COLEC12: variants seen among roughly 807,000 people sequenced by gnomAD.
The protein encoded by COLEC12 is collectin subfamily member 12.
COLEC12 carries 33 observed loss-of-function variants against 71.1 expected under a neutral mutation model. The ratio of observed to expected loss-of-function variants is 0.46; its 90% CI spans 0.35 to 0.62. The LOEUF (loss-of-function observed/expected upper bound fraction) is 0.62, where lower values mean the gene tolerates loss of function less well. COLEC12 is among the 20% of genes least tolerant of loss of function. The probability of loss-of-function intolerance (pLI) is 0.00; values close to 1 mark genes in which losing one functional copy is unlikely to be tolerated. For synonymous variants in COLEC12, 350 were observed against 353.0 expected, an observed-to-expected ratio of 0.99 and a Z score of 0.10; for missense variants, 765 against 916.1, an observed-to-expected ratio of 0.84 and a Z score of 2.13.
intron 2 of COLEC12, among the ~76,000 whole-genome samples, chr18:411,766 C>T (rs1222504481): frequency 1.3e-5 from 2 of 152,002 alleles, no homozygotes; most frequent in Admixed American, 1.3e-4. Context: ...ATTAGCCAGG[C>T]GTAGTGGCAT....
At chr18:406,515 CAAAAAAA>C (rs34263909) in intron 2 of COLEC12, among the ~76,000 whole-genome samples, 5,229 of 90,486 alleles carry the variant, frequency 0.058, 160 homozygotes, top group Admixed American at 0.16. Flanking sequence ...GACTCCGTCT[CAAAAAAA>C]AAAAAAAAAA....
At position 319,812 on chromosome 18, in the gene COLEC12, T is replaced by C; in HGVS notation, c.*233A>G. On this transcript the variant is annotated 3_prime_UTR_variant, in exon 10 of 10. Transcript: ENST00000400256. ...GGTTACTGACGGAGGAGAATCTATGTGATTCAGTCCATGTGCACAATGAAA... is the reference window on the plus strand; with the variant it reads ...GGTTACTGACGGAGGAGAATCTATGCGATTCAGTCCATGTGCACAATGAAA... 1.8e-6 allele frequency: 1 copy of C among 545,816 alleles called. No homozygotes were observed. Among genetic ancestry groups the C allele is most frequent in the Non-Finnish European group, 3.2e-6 (1 of 310,586 alleles). 33.8% of individuals were successfully genotyped at this position (545,816 alleles called of 1,614,324 possible). A position where few individuals can be genotyped will look rare whatever the true frequency, so the allele number is the denominator to read the frequency against.
In COLEC12 at chr18:448,836, A is replaced by G. The variant is rs1006139714; in HGVS notation, c.58+31871T>C. Among the ~76,000 whole-genome samples the G allele has an allele frequency of 7.2e-5, 11 of 152,322 alleles. 1 individual carries two copies. Among genetic ancestry groups the G allele is most frequent in the African/African-American group, 2.6e-4 (11 of 41,574 alleles). The stretch of plus-strand genomic sequence containing the variant: ...AAGATTTTTAAATTTACTATACTGT[A>G]CCCAAACCTCATGAAAATAAAGCAT... On this transcript the variant is annotated intron_variant, in intron 2 of 9. Transcript: ENST00000400256.
rs182189485 is a variant in COLEC12 at position 441,227 on chromosome 18, G to C, written c.58+39480C>G. 3.2e-4 allele frequency among the ~76,000 whole-genome samples: 48 copies of C among 151,448 alleles called. 1 individual carries two copies. The highest frequency in any genetic ancestry group is 1.1e-3 in the African/African-American group (45 of 41,302). On this transcript the variant is annotated intron_variant, in intron 2 of 9. Transcript: ENST00000400256. ...TGTGCCACTGCACTCCAGCCTGGGC[G>C]ACAGAGCGAGACTCTGTCTCAAAAA...
rs553707119 is a variant in COLEC12 at position 470,929 on chromosome 18, TA to T, written c.58+9777del. Among the ~76,000 whole-genome samples the T allele has an allele frequency of 1.1e-3, 169 of 152,358 alleles. 1 individual carries two copies. The highest frequency in any genetic ancestry group is 1.9e-3 in the Non-Finnish European group (127 of 68,036). ...GTTTCACAGAATGAGAACGACATGTTAGAAAGGTTATTTCAAATATTAGAGA... is the reference window on the plus strand; with the variant it reads ...GTTTCACAGAATGAGAACGACATGTTGAAAGGTTATTTCAAATATTAGAGA... On this transcript the variant is annotated intron_variant, in intron 2 of 9. Coordinates refer to ENST00000400256, the MANE Select transcript of COLEC12 (RefSeq NM_130386.3).
rs1309499570 is a variant in COLEC12, at chr18:318,759, CTG to C, written c.*1284_*1285del. ...CTGCCTGCCTCGGCCTCCCAAAGTG[CTG>C]GGATTACAGGCATGAGCCACTGCGC... On this transcript the variant is annotated 3_prime_UTR_variant, in exon 10 of 10. Coordinates refer to ENST00000400256, the MANE Select transcript of COLEC12 (RefSeq NM_130386.3). 6.6e-6 allele frequency: 1 copy of C among 152,142 alleles called. No individual in the cohort carries two copies. The highest frequency in any genetic ancestry group is 1.5e-5 in the Non-Finnish European group (1 of 68,058). 9.4% of individuals were successfully genotyped at this position (152,142 alleles called of 1,614,324 possible).
intron 5 of COLEC12, among the ~76,000 whole-genome samples, chr18:345,017 T>G (rs1056139865): frequency 6.6e-6 from 1 of 152,226 alleles, no homozygotes. Flanking sequence ...TACCCTTGAT[T>G]ATTAGACCAG....
intron 2 of COLEC12, among the ~76,000 whole-genome samples, chr18:426,505 A>G (rs912697136): frequency 2.0e-5 from 3 of 152,190 alleles, no homozygotes; most frequent in African/African-American, 7.2e-5. Flanking sequence ...CTATGGAAGA[A>G]GCCAGTTTTG....
intron 2 of COLEC12, among the ~76,000 whole-genome samples, chr18:389,922 T>G (rs1915426510): frequency 6.6e-6 from 1 of 152,212 alleles, no homozygotes; most frequent in African/African-American, 2.4e-5. Flanking sequence ...CAAAGGCAAA[T>G]TCATTTTCCA....
intron 2 of COLEC12, among the ~76,000 whole-genome samples, chr18:430,164 C>T (rs1429022104): frequency 6.6e-6 from 1 of 151,958 alleles, no homozygotes; most frequent in African/African-American, 2.4e-5. Context: ...ATGGTGAAAC[C>T]CTGTCCCTAC....
At chr18:325,328 C>G (rs144706648) in intron 8 of COLEC12, among the ~76,000 whole-genome samples, 83 of 152,322 alleles carry the variant, frequency 5.4e-4, no homozygotes, top group Non-Finnish European at 1.1e-3. Context: ...TGTGACAGCA[C>G]ACTCCCACCA....
At chr18:429,764 T>G (rs1429457652) in intron 2 of COLEC12, among the ~76,000 whole-genome samples, 1 of 152,188 alleles carries the variant, frequency 6.6e-6, no homozygotes, top group Non-Finnish European at 1.5e-5. Flanking sequence ...ATGACAGATG[T>G]GGATATGAAT....
chr18:464,099 T>C (rs780407263), intron 2 of COLEC12, among the ~76,000 whole-genome samples: 9 of 152,162 alleles, frequency 5.9e-5, no homozygotes, highest in Non-Finnish European at 1.2e-4. Flanking sequence ...CCCGCACTGC[T>C]GCTGCGCTTC....
chr18:321,203 C>T (rs1435934169), intron 9 of COLEC12, among the ~76,000 whole-genome samples: 7 of 152,076 alleles, frequency 4.6e-5, no homozygotes, highest in East Asian at 3.9e-4. Flanking sequence ...TACAGGCATG[C>T]GCCACCATGC....
At chr18:371,661 C>T (rs370525033) in intron 2 of COLEC12, among the ~76,000 whole-genome samples, 6 of 152,084 alleles carry the variant, frequency 3.9e-5, no homozygotes, top group South Asian at 2.1e-4. Flanking sequence ...AGGGGAGCTG[C>T]GGCAACAGGG....
chr18:386,041 C>G (rs1459485340), intron 2 of COLEC12, among the ~76,000 whole-genome samples: 1 of 152,072 alleles, frequency 6.6e-6, no homozygotes, highest in Non-Finnish European at 1.5e-5. Flanking sequence ...GCTGGGGATA[C>G]AGTAGGGGTG....
chr18:388,604 G>GT (rs369284402), intron 2 of COLEC12, among the ~76,000 whole-genome samples: 71 of 152,190 alleles, frequency 4.7e-4, no homozygotes, highest in African/African-American at 1.6e-3. Flanking sequence ...GTTTCATTTT[G>GT]TTTTTTTGAG....
At chr18:365,258 T>G (rs1914829578) in intron 2 of COLEC12, among the ~76,000 whole-genome samples, 1 of 152,234 alleles carries the variant, frequency 6.6e-6, no homozygotes, top group South Asian at 2.1e-4. Flanking sequence ...AAGTAAATTC[T>G]GCCCTAAATA....
At position 346,146 on chromosome 18, in the gene COLEC12, G is replaced by A; in HGVS notation, c.1327+149C>T. On this transcript the variant is annotated intron_variant, in intron 5 of 9. Coordinates refer to ENST00000400256, the MANE Select transcript of COLEC12 (RefSeq NM_130386.3). This position sits in a 1 kb window ranked among gnomAD's most constrained non-coding sequence, Gnocchi z 4.0. Reference sequence around the variant, plus strand: ...AACCTCATGAAAAACAGTGAGTCAGGACCATCTAGCTAAGCTGCTCTTGAA... The same window carrying A: ...AACCTCATGAAAAACAGTGAGTCAGAACCATCTAGCTAAGCTGCTCTTGAA... The A allele has an allele frequency of 1.6e-6, 1 of 636,870 alleles. No homozygotes were observed. Among genetic ancestry groups the A allele is most frequent in the Non-Finnish European group, 2.7e-6 (1 of 370,192 alleles). The allele number at this position is 636,870 out of a possible 1,614,324, so 39.5% of individuals were successfully genotyped here.
Sources: gnomAD v4.1 joint callset for allele counts (sites outside exome capture counted in the v4.1 genomes callset) on GRCh38, gnomAD v4.1.1 for gene constraint, Gnocchi (gnomAD v3.1) non-coding constraint, MANE v1.5 for transcripts, NCBI Gene and HGNC (gene_info 2026-07-23, HGNC 2026-07-21) for gene names.